Variants in PALM2AKAP2 observed in about 807,000 individuals in gnomAD.
PALM2AKAP2 encodes PALM2 and AKAP2 fusion.
A neutral mutation model predicts 71.5 loss-of-function variants in PALM2AKAP2; 37 were observed. The ratio of observed to expected loss-of-function variants is 0.52; its 90% confidence interval spans 0.40 to 0.68. The LOEUF is 0.68. Ranked by LOEUF, PALM2AKAP2 falls within the 30% of genes least tolerant of loss-of-function variation. PALM2AKAP2 has a pLI of 0.00. For synonymous variants in PALM2AKAP2, 468 were observed against 478.8 expected, an observed-to-expected ratio of 0.98 and a Z score of 0.29; for missense variants, 1,224 against 1,191.8, an observed-to-expected ratio of 1.03 and a Z score of -0.40.
rs182949944 is a variant in PALM2AKAP2 at position 109,865,162 on chromosome 9, G to C, written c.46-2329G>C. 2.2e-5 allele frequency among the ~76,000 whole-genome samples: 3 copies of C among 137,258 alleles called. No homozygotes were observed. The East Asian group carries it at 6.7e-4, about 31-fold the overall frequency. 90.0% of individuals were successfully genotyped at this position (137,258 alleles called of 152,430 possible). A position where few individuals can be genotyped will look rare whatever the true frequency, so the allele number is the denominator to read the frequency against. On this transcript the variant is annotated intron_variant, in intron 1 of 9. Transcript: ENST00000302798. ...CGCCCAGGCTGGAGTGCAGTGGTGTGATCTTGGCTCATGGCAACCTCTACC... is the reference window on the plus strand; with the variant it reads ...CGCCCAGGCTGGAGTGCAGTGGTGTCATCTTGGCTCATGGCAACCTCTACC...
chr9:110,122,852 G>GGGTGTAGA (rs1299362587), intron 1 of PALM2AKAP2, among the ~76,000 whole-genome samples: 1 of 152,140 alleles, frequency 6.6e-6, no homozygotes, highest in Non-Finnish European at 1.5e-5. Flanking sequence ...TACACTTAAA[G>GGGTGTAGA]GGTGTAGAGG....
intron 1 of PALM2AKAP2, among the ~76,000 whole-genome samples, chr9:109,654,993 T>C (rs932427639): frequency 3.9e-5 from 6 of 152,090 alleles, no homozygotes; most frequent in African/African-American, 1.2e-4. Context: ...CTTCCTAAGA[T>C]TGGTCAAGGG....
At chr9:109,936,174 A>C (rs1341162046) in intron 6 of PALM2AKAP2, among the ~76,000 whole-genome samples, 2 of 152,228 alleles carry the variant, frequency 1.3e-5, no homozygotes, top group African/African-American at 4.8e-5. Flanking sequence ...TATAATGATC[A>C]AAAAAGGGTA....
At chr9:109,739,879 G>C (rs1216327313) in intron 1 of PALM2AKAP2, among the ~76,000 whole-genome samples, 1 of 152,126 alleles carries the variant, frequency 6.6e-6, no homozygotes, top group Non-Finnish European at 1.5e-5. Flanking sequence ...TTCCCACCCG[G>C]AACACAAAAT....
intron 6 of PALM2AKAP2, among the ~76,000 whole-genome samples, chr9:109,974,757 A>G (rs1264801457): frequency 6.6e-6 from 1 of 152,180 alleles, no homozygotes; most frequent in Non-Finnish European, 1.5e-5. Context: ...AAGCAGGACT[A>G]ATTACATAGT....
At chr9:110,094,351 C>T (rs554490542) in intron 1 of PALM2AKAP2, among the ~76,000 whole-genome samples, 111 of 152,280 alleles carry the variant, frequency 7.3e-4, no homozygotes, top group Non-Finnish European at 1.6e-4. Context: ...CTCGTCTTTG[C>T]GCTAGGTAGC....
intron 1 of PALM2AKAP2, among the ~76,000 whole-genome samples, chr9:109,682,034 G>A (rs1264225505): frequency 6.6e-6 from 1 of 152,106 alleles, no homozygotes; most frequent in Non-Finnish European, 1.5e-5. Context: ...TCATAGTAGT[G>A]GTTCCTGGTA....
chr9:109,980,568 G>T (rs974574714), intron 6 of PALM2AKAP2, among the ~76,000 whole-genome samples: 1 of 152,148 alleles, frequency 6.6e-6, no homozygotes, highest in Non-Finnish European at 1.5e-5. Context: ...CTGACTTCTC[G>T]CTAGAAGGAG....
chr9:109,692,315 A>G (rs1373630990), intron 1 of PALM2AKAP2, among the ~76,000 whole-genome samples: 1 of 151,950 alleles, frequency 6.6e-6, no homozygotes, highest in African/African-American at 2.4e-5. Context: ...GACCTTGCTA[A>G]ACTCATTAAT....
At chr9:109,993,184 T>TAAAAAAAAAAA in intron 6 of PALM2AKAP2, among the ~76,000 whole-genome samples, 1 of 138,810 alleles carries the variant, frequency 7.2e-6, no homozygotes. Context: ...CAAAGTGCCT[T>TAAAAAAAAAAA]AAAAAAAAAA....
chr9:110,030,130 C>A (rs911239750), intron 7 of PALM2AKAP2, among the ~76,000 whole-genome samples: 1 of 152,292 alleles, frequency 6.6e-6, no homozygotes, highest in South Asian at 2.1e-4. Flanking sequence ...GAGAAAATTA[C>A]ACACAATGGG....
intron 2 of PALM2AKAP2, among the ~76,000 whole-genome samples, chr9:110,152,179 A>G (rs1360090953): frequency 2.6e-5 from 4 of 152,234 alleles, no homozygotes; most frequent in Non-Finnish European, 2.9e-5. Flanking sequence ...AGAGGTTGCA[A>G]TGAACCCAGA....
At chr9:109,812,167 T>A (rs1050489319) in intron 1 of PALM2AKAP2, among the ~76,000 whole-genome samples, 3 of 152,182 alleles carry the variant, frequency 2.0e-5, no homozygotes, top group African/African-American at 7.2e-5. Context: ...ATCTGTCCCA[T>A]CCAGGAAAGG....
rs143442936 is a variant in PALM2AKAP2 at position 110,100,051 on chromosome 9, C to CTCTATATATATATA, written c.157-36075_157-36074insCTATATATATATAT. ...AACATATATGCATATGTATGTGTGTCTATATATATATATATATATATATAT... is the reference window on the plus strand; with the variant it reads ...AACATATATGCATATGTATGTGTGTCTCTATATATATATATATATATATATATATATATATATAT... On this transcript the variant is annotated intron_variant, in intron 1 of 3. Coordinates refer to ENST00000374525, the Ensembl canonical transcript of PALM2AKAP2. Among the ~76,000 whole-genome samples the CTCTATATATATATA allele has an allele frequency of 9.7e-4, 106 of 109,478 alleles. 1 individual carries two copies. The highest frequency in any genetic ancestry group is 3.2e-3 in the African/African-American group (100 of 30,978). 71.8% of individuals were successfully genotyped at this position (109,478 alleles called of 152,430 possible). A position where few individuals can be genotyped will look rare whatever the true frequency, so the allele number is the denominator to read the frequency against.
chr9:109,931,460 T>C (rs1259452062), intron 5 of PALM2AKAP2, among the ~76,000 whole-genome samples: 1 of 152,242 alleles, frequency 6.6e-6, no homozygotes, highest in African/African-American at 2.4e-5. Flanking sequence ...CATAAAGCTA[T>C]ATTGCCAGTT....
chr9:109,680,393 G>C (rs1377447680), intron 1 of PALM2AKAP2, among the ~76,000 whole-genome samples: 2 of 152,198 alleles, frequency 1.3e-5, no homozygotes, highest in Non-Finnish European at 2.9e-5. Flanking sequence ...TTCCACAGCA[G>C]GTAACCCAAA....
intron 1 of PALM2AKAP2, among the ~76,000 whole-genome samples, chr9:110,133,234 C>T (rs766685622): frequency 2.4e-4 from 37 of 152,146 alleles, no homozygotes; most frequent in Non-Finnish European, 4.1e-4. Context: ...ATGTGAGGAG[C>T]GGAAAAGTGT....
chr9:110,156,326 A>T, exon 3 of PALM2AKAP2: 1 of 1,574,586 alleles, frequency 6.4e-7, no homozygotes. Flanking sequence ...CAGGGAAAAT[A>T]GAGAAAGTCA....
chr9:109,838,271 A>G (rs1299728849), intron 1 of PALM2AKAP2, among the ~76,000 whole-genome samples: 1 of 152,252 alleles, frequency 6.6e-6, no homozygotes. Flanking sequence ...CTGCTCCTGA[A>G]TGACTACTGG....
Sources: gnomAD v4.1 joint callset for allele counts (sites outside exome capture counted in the v4.1 genomes callset) on GRCh38, gnomAD v4.1.1 for gene constraint, MANE v1.5 for transcripts, NCBI Gene and HGNC (gene_info 2026-07-23, HGNC 2026-07-21) for gene names.